The following DSCAML1 variants were observed in gnomAD, a reference collection of about 807,000 sequenced individuals.
The protein encoded by DSCAML1 is DS cell adhesion molecule like 1.
A neutral mutation model predicts 200.5 loss-of-function variants in DSCAML1; 38 were observed. That is an observed-to-expected ratio of 0.19 (90% CI 0.15 to 0.25). DSCAML1 has a LOEUF of 0.25. DSCAML1 is among the 10% of genes least tolerant of loss of function. The pLI is 1.00. For missense variants in DSCAML1, 2,223 were observed against 2,858.8 expected, an observed-to-expected ratio of 0.78 and a Z score of 5.07; for synonymous variants, 1,215 against 1,165.0, an observed-to-expected ratio of 1.04 and a Z score of -0.87.
chr11:117,741,682 C>T (rs1010506535), intron 3 of DSCAML1, among the ~76,000 whole-genome samples: 8 of 152,230 alleles, frequency 5.3e-5, no homozygotes, highest in African/African-American at 1.9e-4. Flanking sequence ...CCAGGCTGCT[C>T]CACACAACAC....
chr11:117,437,059 C>A lies in DSCAML1; in HGVS notation c.4720+63G>T. The A allele has an allele frequency of 6.4e-7, 1 of 1,551,246 alleles. No individual in the cohort carries two copies. The highest frequency in any genetic ancestry group is 8.7e-7 in the Non-Finnish European group (1 of 1,147,016). On this transcript the variant is annotated intron_variant, in intron 26 of 32. Coordinates refer to ENST00000651296, the MANE Select transcript of DSCAML1 (RefSeq NM_020693.4). This position sits in a 1 kb window ranked among gnomAD's most constrained non-coding sequence, Gnocchi z 5.3. ...GTCTCTTTATGTATCTGCCACTCTG[C>A]CCACTTCCTTCGCACCACCCTGCTC... is the stretch of plus-strand genomic sequence containing the variant.
chr11:117,634,108 A>G (rs773778939), intron 3 of DSCAML1, among the ~76,000 whole-genome samples: 3 of 152,182 alleles, frequency 2.0e-5, no homozygotes, highest in Non-Finnish European at 2.9e-5. Flanking sequence ...AAGTATCCAG[A>G]GGCTCCCGAC....
intron 3 of DSCAML1, among the ~76,000 whole-genome samples, chr11:117,739,362 A>G (rs763378479): frequency 1.3e-5 from 2 of 151,914 alleles, no homozygotes; most frequent in Non-Finnish European, 2.9e-5. Flanking sequence ...TCAATCGGAA[A>G]CTCTGGGGTT....
At chr11:117,566,864 T>G (rs2050768255) in intron 3 of DSCAML1, among the ~76,000 whole-genome samples, 1 of 151,868 alleles carries the variant, frequency 6.6e-6, no homozygotes, top group Admixed American at 6.6e-5. Context: ...TTACTGAGAA[T>G]GATGATTTCC....
intron 3 of DSCAML1, among the ~76,000 whole-genome samples, chr11:117,715,474 T>G (rs954729830): frequency 6.6e-6 from 1 of 152,166 alleles, no homozygotes; most frequent in East Asian, 1.9e-4. Context: ...AGAAAGTATA[T>G]CAAATGCCTA....
At chr11:117,802,133 A>C (rs2055665530), upstream of DSCAML1, 1 of 152,176 alleles carries the variant, frequency 6.6e-6, no homozygotes, top group Admixed American at 6.5e-5. Context: ...TGTGTCACTC[A>C]CAAATGTGCT....
At chr11:117,741,940 C>T (rs1485034471) in intron 3 of DSCAML1, among the ~76,000 whole-genome samples, 1 of 152,216 alleles carries the variant, frequency 6.6e-6, no homozygotes, top group African/African-American at 2.4e-5. Flanking sequence ...TGGTGGCCAG[C>T]AGGTTTTGTG....
chr11:117,486,250 GGA>G (rs2049050605), intron 11 of DSCAML1, among the ~76,000 whole-genome samples: 1 of 72,382 alleles, frequency 1.4e-5, no homozygotes, highest in South Asian at 5.4e-4. Flanking sequence ...GGAAAGTGGC[GGA>G]TGGGAAAGTG....
At position 117,505,707 on chromosome 11, in the gene DSCAML1, T is replaced by C. The variant is rs372729664; in HGVS notation, c.1809A>G (p.Glu603=). ...GCTGGCCGATGGAGGCGGGTGGGAA[T>C]TCGAAGGGCTGGATCAGAGGGGGCA... is the stretch of plus-strand genomic sequence containing the variant. The part of the protein sequence containing the change: ...VKVPPLIQPF[E]FPPASIGQLL... Residue 603 remains glutamate, a synonymous_variant, in exon 9 of 33, where the codon GAA becomes GAG. Transcript: ENST00000651296. This position sits in a 1 kb window ranked among gnomAD's most constrained non-coding sequence, Gnocchi z 6.7. 4.3e-6 allele frequency: 7 copies of C among 1,611,770 alleles called. No homozygotes were observed. The highest frequency in any genetic ancestry group is 1.3e-5 in the African/African-American group (1 of 74,906).
At chr11:117,703,675 C>T (rs577671209) in intron 3 of DSCAML1, among the ~76,000 whole-genome samples, 15 of 152,358 alleles carry the variant, frequency 9.8e-5, no homozygotes, top group Non-Finnish European at 1.9e-4. Flanking sequence ...CACAATCTTA[C>T]ATCCTTTAAA....
rs578107996 is a variant in DSCAML1 at position 117,637,775 on chromosome 11, G to T, written c.512-105253C>A. Among the ~76,000 whole-genome samples, 4 of 152,328 alleles carry T rather than the reference G, an allele frequency of 2.6e-5. No homozygotes were observed. The South Asian group carries it at 8.3e-4, about 32-fold the overall frequency. On this transcript the variant is annotated intron_variant, in intron 3 of 32. Transcript: ENST00000651296. ...ACAAACAATTTAGAGGTCTTACTAGGACTACATGTCAAGATATGGCTTCCC... is the reference window on the plus strand; with the variant it reads ...ACAAACAATTTAGAGGTCTTACTAGTACTACATGTCAAGATATGGCTTCCC...
At chr11:117,686,606 T>G (rs144134568) in intron 3 of DSCAML1, among the ~76,000 whole-genome samples, 222 of 152,332 alleles carry the variant, frequency 1.5e-3, no homozygotes, top group African/African-American at 5.0e-3. Context: ...TGTGGCCAAT[T>G]TGGTCATACT....
Position 117,665,124 on chromosome 11 carries a change from G to A in DSCAML1, c.511+111667C>T, listed in dbSNP as rs370591081. ...CCCTTATGACCCTCCCTGAGCCCTC[G>A]AGCTGCTCCCAGGCTGGCCTCTGAC... is the stretch of plus-strand genomic sequence containing the variant. On this transcript the variant is annotated intron_variant, in intron 3 of 32. Transcript: ENST00000651296. Among the ~76,000 whole-genome samples the A allele has an allele frequency of 1.5e-4, 23 of 152,172 alleles. 1 individual carries two copies. The highest frequency in any genetic ancestry group is 4.8e-4 in the African/African-American group (20 of 41,524).
At chr11:117,527,413 C>T (rs772412103) in intron 4 of DSCAML1, among the ~76,000 whole-genome samples, 15 of 152,316 alleles carry the variant, frequency 9.8e-5, no homozygotes, top group Admixed American at 8.5e-4. Flanking sequence ...CGTTAAACCG[C>T]TGCTGTATCT....
chr11:117,701,173 G>T (rs1259448529), intron 3 of DSCAML1, among the ~76,000 whole-genome samples: 1 of 152,154 alleles, frequency 6.6e-6, no homozygotes, highest in African/African-American at 2.4e-5. Flanking sequence ...GGCTGAGGCA[G>T]GAGAATTGCT....
rs545452840 is a variant in DSCAML1 at position 117,484,487 on chromosome 11, C to A, written c.2360-2325G>T. ...TGAAGCAGATAAATTTTATAATGCACGGCATTACACTAGGATATACAATAA... is the reference window on the plus strand; with the variant it reads ...TGAAGCAGATAAATTTTATAATGCAAGGCATTACACTAGGATATACAATAA... On this transcript the variant is annotated intron_variant, in intron 11 of 32. Coordinates refer to ENST00000651296, the MANE Select transcript of DSCAML1 (RefSeq NM_020693.4). Among the ~76,000 whole-genome samples, 4 of 152,266 alleles carry A rather than the reference C, an allele frequency of 2.6e-5. No homozygotes were observed. The South Asian group carries it at 8.3e-4, about 32-fold the overall frequency.
intron 3 of DSCAML1, among the ~76,000 whole-genome samples, chr11:117,589,545 C>A (rs978920803): frequency 1.3e-5 from 2 of 152,134 alleles, no homozygotes; most frequent in East Asian, 3.8e-4. Flanking sequence ...TCTGCGTCTT[C>A]GTATGCACCA....
intron 3 of DSCAML1, among the ~76,000 whole-genome samples, chr11:117,659,126 G>A (rs2052791672): frequency 6.6e-6 from 1 of 152,156 alleles, no homozygotes; most frequent in Non-Finnish European, 1.5e-5. Context: ...TGGGATTTAA[G>A]GTAAGCCAAG....
intron 1 of DSCAML1, among the ~76,000 whole-genome samples, chr11:117,811,522 T>C (rs1177577840): frequency 6.6e-6 from 1 of 152,112 alleles, no homozygotes; most frequent in Non-Finnish European, 1.5e-5. Flanking sequence ...GGCCAGGCGT[T>C]CCTCCAGAAC....
Sources: allele counts gnomAD v4.1 joint callset (sites outside exome capture counted in the v4.1 genomes callset), GRCh38; gene constraint gnomAD v4.1.1; non-coding constraint Gnocchi (gnomAD v3.1); transcripts MANE v1.5; gene names NCBI Gene and HGNC (gene_info 2026-07-23, HGNC 2026-07-21).